Variants in COL24A1 observed in about 807,000 individuals in gnomAD.
The protein encoded by COL24A1 is collagen type XXIV alpha 1 chain, also known as collagen alpha-1(XXIV) chain.
A neutral mutation model predicts 253.9 loss-of-function variants in COL24A1; 224 were observed. That is an observed-to-expected ratio of 0.88 (90% CI 0.79 to 0.99). The LOEUF (loss-of-function observed/expected upper bound fraction) is 0.99, where lower values mean the gene tolerates loss of function less well. Among genes scored for constraint, COL24A1 ranks in the 50% least tolerant of loss-of-function variants. COL24A1 has a pLI of 0.00. For missense variants in COL24A1, 2,131 were observed against 2,068.5 expected, an observed-to-expected ratio of 1.03 and a Z score of -0.59; for synonymous variants, 685 against 673.7, an observed-to-expected ratio of 1.02 and a Z score of -0.26.
At chr1:86,062,606 GT>G (rs1701173413) in intron 8 of COL24A1, among the ~76,000 whole-genome samples, 1 of 151,986 alleles carries the variant, frequency 6.6e-6, no homozygotes, top group Non-Finnish European at 1.5e-5. Flanking sequence ...GAAGTATCAG[GT>G]TTCCTCCATT....
intron 32 of COL24A1, among the ~76,000 whole-genome samples, chr1:85,880,918 C>A (rs1422766373): frequency 6.6e-6 from 1 of 152,114 alleles, no homozygotes; most frequent in Non-Finnish European, 1.5e-5. Flanking sequence ...TTGTTTGATT[C>A]AATTTGCTAA....
chr1:85,874,986 A>G (rs1571025676), intron 34 of COL24A1, among the ~76,000 whole-genome samples: 3 of 152,186 alleles, frequency 2.0e-5, no homozygotes, highest in South Asian at 4.1e-4. Context: ...CTCAGTCCTT[A>G]TGAGAATCTA....
chr1:85,993,622 G>A (rs1256001617), intron 19 of COL24A1, among the ~76,000 whole-genome samples: 1 of 151,888 alleles, frequency 6.6e-6, no homozygotes, highest in African/African-American at 2.4e-5. Flanking sequence ...TGACAGATAT[G>A]TTCATTATCT....
chr1:86,041,430 G>A (rs538514874), intron 12 of COL24A1, among the ~76,000 whole-genome samples: 3 of 152,142 alleles, frequency 2.0e-5, no homozygotes, highest in Non-Finnish European at 4.4e-5. Flanking sequence ...GGTCTGTGGA[G>A]CCATATAAAT....
At chr1:85,944,056 A>T (rs1210677825) in intron 24 of COL24A1, among the ~76,000 whole-genome samples, 1 of 152,216 alleles carries the variant, frequency 6.6e-6, no homozygotes, top group Non-Finnish European at 1.5e-5. Flanking sequence ...GTACATTCGC[A>T]TTTGTGAAAG....
At chr1:85,769,931 A>G (rs1479923676) in intron 53 of COL24A1, among the ~76,000 whole-genome samples, 6 of 152,116 alleles carry the variant, frequency 3.9e-5, no homozygotes, top group Admixed American at 2.0e-4. Context: ...AATGCTTGTG[A>G]CATTGCCATA....
At chr1:86,026,514 G>A (rs586685) in intron 14 of COL24A1, among the ~76,000 whole-genome samples, 1,734 of 152,254 alleles carry the variant, frequency 0.011, 43 homozygotes, top group African/African-American at 0.039. Flanking sequence ...CACTCACTCC[G>A]TCCTGCCACC....
intron 3 of COL24A1, among the ~76,000 whole-genome samples, chr1:86,116,815 C>G (rs1186227554): frequency 6.6e-6 from 1 of 151,822 alleles, no homozygotes; most frequent in Non-Finnish European, 1.5e-5. Flanking sequence ...CATGTATTTC[C>G]TAATATTGAG....
chr1:85,792,030 T>C lies in COL24A1; in HGVS notation c.3952-5569A>G, dbSNP rs187266052. Reference sequence around the variant, plus strand: ...CTTGCATTACAAAATTTTTACTTAATTATATTTTTAATTTCATGAATAAAC... The same window carrying C: ...CTTGCATTACAAAATTTTTACTTAACTATATTTTTAATTTCATGAATAAAC... On this transcript the variant is annotated intron_variant, in intron 47 of 59. Coordinates refer to ENST00000370571, the MANE Select transcript of COL24A1 (RefSeq NM_152890.7). Among the ~76,000 whole-genome samples the C allele has an allele frequency of 1.1e-4, 17 of 152,296 alleles. No individual in the cohort carries two copies. The East Asian group carries it at 2.5e-3, about 22-fold the overall frequency.
intron 20 of COL24A1, among the ~76,000 whole-genome samples, chr1:85,975,031 C>T (rs778933121): frequency 8.9e-4 from 136 of 152,096 alleles, no homozygotes; most frequent in African/African-American, 1.4e-3. Flanking sequence ...AGAAAATGTT[C>T]AACATTGCTA....
chr1:85,862,508 A>T (rs1436136282), intron 37 of COL24A1, among the ~76,000 whole-genome samples: 2 of 152,198 alleles, frequency 1.3e-5, no homozygotes, highest in Non-Finnish European at 2.9e-5. Flanking sequence ...CTGCTAACTT[A>T]GCATCCCTCC....
intron 46 of COL24A1, among the ~76,000 whole-genome samples, chr1:85,817,762 T>C (rs947710586): frequency 2.6e-5 from 4 of 152,176 alleles, no homozygotes; most frequent in African/African-American, 9.7e-5. Flanking sequence ...TTTTCAGTGG[T>C]TCACCGTCAG....
chr1:85,879,557 A>T (rs1373813498), intron 32 of COL24A1, among the ~76,000 whole-genome samples: 1 of 152,154 alleles, frequency 6.6e-6, no homozygotes, highest in East Asian at 1.9e-4. Context: ...ATCTGAGTAC[A>T]ACTTTTGACT....
At chr1:85,950,221 G>C (rs1689756025) in intron 24 of COL24A1, among the ~76,000 whole-genome samples, 1 of 152,044 alleles carries the variant, frequency 6.6e-6, no homozygotes. Flanking sequence ...CTATTTATCT[G>C]TAACACCTAA....
At chr1:86,066,387 C>T (rs11806244) in intron 7 of COL24A1, among the ~76,000 whole-genome samples, 46,937 of 151,008 alleles carry the variant, frequency 0.31, 7,691 homozygotes, top group Middle Eastern at 0.43. Context: ...TTCAGGCGCC[C>T]GCCACCATGC....
intron 55 of COL24A1, among the ~76,000 whole-genome samples, chr1:85,756,340 A>T (rs1410728163): frequency 2.0e-5 from 3 of 151,918 alleles, no homozygotes; most frequent in Non-Finnish European, 4.4e-5. Context: ...AATCACTTGA[A>T]CCTGGGAGGC....
chr1:86,108,406 T>C (rs1705200133), intron 5 of COL24A1, among the ~76,000 whole-genome samples: 1 of 152,022 alleles, frequency 6.6e-6, no homozygotes, highest in Non-Finnish European at 1.5e-5. Context: ...CCACCATCTC[T>C]AGCTTTAACT....
intron 3 of COL24A1, among the ~76,000 whole-genome samples, chr1:86,115,836 A>T (rs1336825304): frequency 6.6e-6 from 1 of 152,196 alleles, no homozygotes; most frequent in Non-Finnish European, 1.5e-5. Context: ...GATCTGTGTA[A>T]TGTGTTAAAC....
rs139263366 is a variant in COL24A1 at position 85,826,851 on chromosome 1, T to G, written c.3682-3113A>C. Among the ~76,000 whole-genome samples, 464 of 152,340 alleles carry G rather than the reference T, an allele frequency of 3.0e-3. 1 individual carries two copies. Among genetic ancestry groups the G allele is most frequent in the African/African-American group, 0.01 (435 of 41,578 alleles). On this transcript the variant is annotated intron_variant, in intron 43 of 59. Coordinates refer to ENST00000370571, the MANE Select transcript of COL24A1 (RefSeq NM_152890.7). Reference sequence around the variant, plus strand: ...CTGAGACAATGGAGTTTTCTAGATATACAATCATGGCATCTGCAAAGAGGG... The same window carrying G: ...CTGAGACAATGGAGTTTTCTAGATAGACAATCATGGCATCTGCAAAGAGGG...
Sources: gnomAD v4.1 joint callset for allele counts (sites outside exome capture counted in the v4.1 genomes callset) on GRCh38, gnomAD v4.1.1 for gene constraint, MANE v1.5 for transcripts, NCBI Gene and HGNC (gene_info 2026-07-23, HGNC 2026-07-21) for gene names.